FER: variants seen among roughly 807,000 people sequenced by gnomAD.
FER encodes tyrosine-protein kinase Fer.
FER carries 63 observed loss-of-function variants against 111.0 expected under a neutral mutation model. The observed-to-expected ratio is 0.57, with a 90% CI of 0.46 to 0.70. FER has a LOEUF of 0.70. FER is among the 30% of genes least tolerant of loss of function. The pLI, the probability that FER is intolerant of heterozygous loss-of-function variation, is 0.00. For missense variants in FER, 914 were observed against 954.0 expected, an observed-to-expected ratio of 0.96 and a Z score of 0.55; for synonymous variants, 327 against 313.9, an observed-to-expected ratio of 1.04 and a Z score of -0.44.
At chr5:108,767,116 C>A (rs943768410) in intron 1 of FER, among the ~76,000 whole-genome samples, 2 of 152,004 alleles carry the variant, frequency 1.3e-5, no homozygotes, top group Admixed American at 1.3e-4. Context: ...CCAGCCTGAC[C>A]AACATGGTGA....
At chr5:109,004,487 G>T (rs956508889) in intron 13 of FER, among the ~76,000 whole-genome samples, 1 of 152,108 alleles carries the variant, frequency 6.6e-6, no homozygotes, top group Admixed American at 6.5e-5. Context: ...ACAACAAGGA[G>T]CTGTAAATGA....
intron 17 of FER, among the ~76,000 whole-genome samples, chr5:109,136,996 C>A (rs1752964188): frequency 6.6e-6 from 1 of 152,120 alleles, no homozygotes; most frequent in African/African-American, 2.4e-5. Flanking sequence ...TCAGATAATA[C>A]AGGCTATACA....
chr5:109,157,416 G>T (rs949698447), intron 17 of FER, among the ~76,000 whole-genome samples: 1 of 152,016 alleles, frequency 6.6e-6, no homozygotes, highest in African/African-American at 2.4e-5. Context: ...GTCATGCCTG[G>T]ACTGTCATTT....
chr5:108,992,490 T>A (rs1173608228), intron 13 of FER, among the ~76,000 whole-genome samples: 2 of 146,714 alleles, frequency 1.4e-5, no homozygotes, highest in Non-Finnish European at 3.0e-5. Flanking sequence ...ACGGGGTGGC[T>A]GGCCGGGCGG....
chr5:108,943,323 G>A (rs1756531085), intron 10 of FER, among the ~76,000 whole-genome samples: 1 of 152,122 alleles, frequency 6.6e-6, no homozygotes, highest in Admixed American at 6.5e-5. Context: ...TTTTTCTGAT[G>A]TGGAAACTGA....
chr5:108,845,049 TATATATATATATATATATAC>T (rs1761866339), intron 5 of FER, among the ~76,000 whole-genome samples: 13 of 46,642 alleles, frequency 2.8e-4, no homozygotes, highest in African/African-American at 8.9e-4. Flanking sequence ...TACATATATA[TATATATATATATATATATAC>T]ACACACACAC....
Position 108,772,873 on chromosome 5 carries a change from A to G in FER, c.-60+4635A>G, listed in dbSNP as rs1364141845. On this transcript the variant is annotated intron_variant, in intron 2 of 19. Transcript: ENST00000281092. ...GTAGCTTTGGACATTATAAAGCAGTAGCAGTCTAGTCTTTCAGAAATGCAT... is the reference window on the plus strand; with the variant it reads ...GTAGCTTTGGACATTATAAAGCAGTGGCAGTCTAGTCTTTCAGAAATGCAT... Among the ~76,000 whole-genome samples the G allele has an allele frequency of 1.3e-5, 2 of 152,222 alleles. 1 individual carries two copies. The highest frequency in any genetic ancestry group is 2.9e-5 in the Non-Finnish European group (2 of 68,038).
chr5:108,761,812 TA>T (rs764765801), intron 1 of FER, among the ~76,000 whole-genome samples: 21 of 152,342 alleles, frequency 1.4e-4, no homozygotes, highest in Middle Eastern at 3.4e-3. Flanking sequence ...CTTCTTACCC[TA>T]AAGTAGAGGA....
At chr5:109,079,894 C>G (rs1160380021) in intron 16 of FER, among the ~76,000 whole-genome samples, 5 of 152,182 alleles carry the variant, frequency 3.3e-5, no homozygotes, top group African/African-American at 1.2e-4. Flanking sequence ...ATGCTACATG[C>G]TTTTCTAGCA....
At chr5:108,946,095 A>G (rs775543740) in intron 10 of FER, 35 bp from the exon 11 acceptor site, 3 of 1,445,066 alleles carry the variant, frequency 2.1e-6, no homozygotes, top group African/African-American at 2.8e-5. Flanking sequence ...TGGATAGTTT[A>G]CTGTTGCTGA....
At chr5:109,146,995 A>G (rs1754294816) in intron 17 of FER, among the ~76,000 whole-genome samples, 1 of 152,080 alleles carries the variant, frequency 6.6e-6, no homozygotes. Flanking sequence ...GGAGGCAAAA[A>G]TGTTGAGGAA....
At chr5:109,065,797 C>A (rs574095197) in intron 16 of FER, among the ~76,000 whole-genome samples, 1 of 152,162 alleles carries the variant, frequency 6.6e-6, no homozygotes, top group East Asian at 1.9e-4. Context: ...TTCATTTGTC[C>A]TTTCCTGTAA....
At chr5:109,095,640 G>T (rs1747414415) in intron 16 of FER, among the ~76,000 whole-genome samples, 1 of 152,020 alleles carries the variant, frequency 6.6e-6, no homozygotes, top group Non-Finnish European at 1.5e-5. Context: ...GTTTACATCA[G>T]CATTCATTGT....
chr5:108,927,643 G>A (rs374499518), intron 10 of FER, among the ~76,000 whole-genome samples: 23 of 152,274 alleles, frequency 1.5e-4, no homozygotes, highest in African/African-American at 5.1e-4. Flanking sequence ...AAGTTTGGTT[G>A]TATTGCATTT....
chr5:109,075,606 G>C (rs1776242491), intron 16 of FER, among the ~76,000 whole-genome samples: 1 of 151,902 alleles, frequency 6.6e-6, no homozygotes, highest in Admixed American at 6.6e-5. Flanking sequence ...TGTATTTTTA[G>C]TAGAGACGGG....
At chr5:108,915,103 T>C (rs1257874292) in intron 10 of FER, among the ~76,000 whole-genome samples, 1 of 152,112 alleles carries the variant, frequency 6.6e-6, no homozygotes, top group Non-Finnish European at 1.5e-5. Flanking sequence ...TGGAATCCAG[T>C]TGGTAAGAAA....
intron 17 of FER, among the ~76,000 whole-genome samples, chr5:109,146,950 T>A (rs1373894304): frequency 6.6e-6 from 1 of 152,070 alleles, no homozygotes. Context: ...AGGGAATATT[T>A]AAGAGACAAT....
intron 10 of FER, among the ~76,000 whole-genome samples, chr5:108,908,558 T>C (rs1254474520): frequency 1.3e-5 from 2 of 152,170 alleles, no homozygotes; most frequent in Non-Finnish European, 2.9e-5. Context: ...TTCCAGCCTA[T>C]ACAATTTGGT....
intron 1 of FER, among the ~76,000 whole-genome samples, chr5:108,749,474 A>T (rs1433891382): frequency 6.6e-6 from 1 of 151,632 alleles, no homozygotes; most frequent in Non-Finnish European, 1.5e-5. Context: ...TCTCGGCGGC[A>T]CTCATCTGGG....
Sources: allele counts gnomAD v4.1 joint callset (sites outside exome capture counted in the v4.1 genomes callset), GRCh38; gene constraint gnomAD v4.1.1; transcripts MANE v1.5; gene names NCBI Gene and HGNC (gene_info 2026-07-23, HGNC 2026-07-21).